TBC1D19: variants seen among roughly 807,000 people sequenced by gnomAD.
TBC1D19 encodes the protein TBC1 domain family member 19, also known as TBC1 domain family, member 19.
In TBC1D19, 60 loss-of-function variants were observed where a neutral mutation model predicts 89.0. The ratio of observed to expected loss-of-function variants is 0.67; its 90% CI spans 0.55 to 0.84. The LOEUF (loss-of-function observed/expected upper bound fraction) is 0.84. Ranked by LOEUF, TBC1D19 falls within the 40% of genes least tolerant of loss-of-function variation. The probability of loss-of-function intolerance (pLI) is 0.00; values close to 1 mark genes in which losing one functional copy is unlikely to be tolerated. For missense variants in TBC1D19, 500 were observed against 610.8 expected (o/e 0.82, Z 1.91); for synonymous variants, 189 against 199.7 (o/e 0.95, Z 0.45).
chr4:26,804,065 G>GAAAAC, the TBC1D19 span, among the ~76,000 whole-genome samples: 4 of 146,424 alleles, frequency 2.7e-5, no homozygotes, highest in African/African-American at 1.0e-4. Context: ...TAAAAATAAA[G>GAAAAC]AAAACAAAAC....
chr4:26,674,525 T>C (rs1712614566), intron 11 of TBC1D19, among the ~76,000 whole-genome samples: 1 of 152,038 alleles, frequency 6.6e-6, no homozygotes, highest in South Asian at 2.1e-4. Context: ...TTAAAAAATT[T>C]TAATGAATAG....
intron 1 of TBC1D19, among the ~76,000 whole-genome samples, chr4:26,593,383 A>T (rs942856697): frequency 6.6e-6 from 1 of 152,204 alleles, no homozygotes; most frequent in African/African-American, 2.4e-5. Flanking sequence ...AAGCATAAAA[A>T]CCCTAGAAGA....
the TBC1D19 span, among the ~76,000 whole-genome samples, chr4:26,847,451 C>T: frequency 6.6e-6 from 1 of 152,040 alleles, no homozygotes; most frequent in Non-Finnish European, 1.5e-5. Flanking sequence ...GTTCAAAGAA[C>T]GTTCTAGGCA....
chr4:26,749,896 C>T (rs971655642), intron 19 of TBC1D19, among the ~76,000 whole-genome samples: 1 of 152,070 alleles, frequency 6.6e-6, no homozygotes, highest in Admixed American at 6.5e-5. Context: ...TTTTAAAAAC[C>T]TATACAAATA....
At chr4:26,709,053 T>C (rs1186180668) in intron 13 of TBC1D19, among the ~76,000 whole-genome samples, 3 of 151,960 alleles carry the variant, frequency 2.0e-5, no homozygotes, top group East Asian at 3.9e-4. Flanking sequence ...CTTGTTGTTG[T>C]TGTTGAAAAA....
At chr4:26,793,253 A>G in the TBC1D19 span, among the ~76,000 whole-genome samples, 1 of 152,168 alleles carries the variant, frequency 6.6e-6, no homozygotes, top group Non-Finnish European at 1.5e-5. Context: ...CCCGCTTCTC[A>G]TGGAAAATGG....
chr4:26,850,560 AAAG>A, the TBC1D19 span, among the ~76,000 whole-genome samples: 9 of 148,584 alleles, frequency 6.1e-5, no homozygotes, highest in Admixed American at 1.4e-4. Context: ...AAAAAAAAAA[AAAG>A]AAGAAGAAGA....
At chr4:26,820,141 G>A in the TBC1D19 span, among the ~76,000 whole-genome samples, 11 of 152,118 alleles carry the variant, frequency 7.2e-5, no homozygotes, top group Non-Finnish European at 1.3e-4. Context: ...TGACATATCC[G>A]TTATCTTAGT....
the TBC1D19 span, among the ~76,000 whole-genome samples, chr4:26,797,702 G>C: frequency 6.6e-6 from 1 of 152,106 alleles, no homozygotes; most frequent in Non-Finnish European, 1.5e-5. Flanking sequence ...TAGACACATA[G>C]GTTAATGGAA....
At position 26,698,141 on chromosome 4, in the gene TBC1D19, G is replaced by A. The variant is rs542871930; in HGVS notation, c.954+9734G>A. On this transcript the variant is annotated intron_variant, in intron 13 of 20. Transcript: ENST00000264866. ...TCGTCTCAGCCCAAAATCTCCTTAA[G>A]CTGATAAGCAACTTCAGCAAAGTCT... 3.3e-5 allele frequency among the ~76,000 whole-genome samples: 5 copies of A among 152,282 alleles called. No homozygotes were observed. The South Asian group carries it at 1.0e-3, about 32-fold the overall frequency.
the TBC1D19 span, among the ~76,000 whole-genome samples, chr4:26,831,009 C>T: frequency 2.2e-4 from 33 of 152,252 alleles, no homozygotes; most frequent in Non-Finnish European, 4.4e-4. Context: ...AGAGTGATTG[C>T]TTTTTCCAAT....
chr4:26,806,949 G>A, the TBC1D19 span, among the ~76,000 whole-genome samples: 46 of 152,326 alleles, frequency 3.0e-4, no homozygotes, highest in African/African-American at 1.0e-3. Context: ...TCCTGCAACC[G>A]TGAGGGAATA....
chr4:26,761,026 T>C (rs1444767807), downstream of TBC1D19, among the ~76,000 whole-genome samples: 1 of 152,190 alleles, frequency 6.6e-6, no homozygotes, highest in African/African-American at 2.4e-5. Flanking sequence ...ATTATGTGTA[T>C]GGGCTGGTTT....
At chr4:26,666,683 A>G (rs1248673652) in intron 9 of TBC1D19, among the ~76,000 whole-genome samples, 3 of 152,034 alleles carry the variant, frequency 2.0e-5, no homozygotes, top group Non-Finnish European at 4.4e-5. Flanking sequence ...CTTTACTGGC[A>G]ACATCCTTTC....
At chr4:26,769,728 T>G in the TBC1D19 span, among the ~76,000 whole-genome samples, 1 of 152,036 alleles carries the variant, frequency 6.6e-6, no homozygotes, top group East Asian at 1.9e-4. Flanking sequence ...GTATTTTTTT[T>G]GCAGAGACTG....
chr4:26,844,879 G>A, the TBC1D19 span, among the ~76,000 whole-genome samples: 7 of 152,106 alleles, frequency 4.6e-5, no homozygotes, highest in Non-Finnish European at 1.0e-4. Flanking sequence ...GTTTTCAGGT[G>A]TTATAAACCA....
At chr4:26,657,292 G>A (rs1384612903) in intron 7 of TBC1D19, among the ~76,000 whole-genome samples, 1 of 151,780 alleles carries the variant, frequency 6.6e-6, no homozygotes, top group Non-Finnish European at 1.5e-5. Flanking sequence ...GTGTCCATGT[G>A]TTTTCATTGT....
chr4:26,765,090 A>G, the TBC1D19 span, among the ~76,000 whole-genome samples: 1 of 152,094 alleles, frequency 6.6e-6, no homozygotes, highest in Admixed American at 6.6e-5. Context: ...AAGAAAACTG[A>G]GTTGCAAGCT....
intron 13 of TBC1D19, among the ~76,000 whole-genome samples, chr4:26,700,404 T>C (rs1283591818): frequency 6.6e-6 from 1 of 152,178 alleles, no homozygotes; most frequent in Non-Finnish European, 1.5e-5. Context: ...TTTCTTTTAT[T>C]TAACTCACGT....
Sources: allele counts gnomAD v4.1 joint callset (sites outside exome capture counted in the v4.1 genomes callset), GRCh38; gene constraint gnomAD v4.1.1; transcripts MANE v1.5; gene names NCBI Gene and HGNC (gene_info 2026-07-23, HGNC 2026-07-21).